Variants in NLRC3 observed in about 807,000 individuals in gnomAD.
NLRC3 encodes NLR family CARD domain containing 3.
A neutral mutation model predicts 91.6 loss-of-function variants in NLRC3; 87 were observed. The ratio of observed to expected loss-of-function variants is 0.95; its 90% confidence interval spans 0.80 to 1.14. The LOEUF (loss-of-function observed/expected upper bound fraction) is 1.14, where lower values mean the gene tolerates loss of function less well. NLRC3 is among the 50% of genes most tolerant of loss of function. The probability of loss-of-function intolerance (pLI) is 0.00; values close to 1 mark genes in which losing one functional copy is unlikely to be tolerated. For synonymous variants in NLRC3, 694 were observed against 625.3 expected, an observed-to-expected ratio of 1.11 and a Z score of -1.64; for missense variants, 1,577 against 1,418.6, an observed-to-expected ratio of 1.11 and a Z score of -1.79.
chr16:3,555,582 T>G (rs1391404843), intron 8 of NLRC3, among the ~76,000 whole-genome samples: 1 of 151,972 alleles, frequency 6.6e-6, no homozygotes, highest in Non-Finnish European at 1.5e-5. Context: ...CAGTCAGGGT[T>G]TTTTTTAGAC....
chr16:3,544,110 A>T, intron 16 of NLRC3, 136 bp downstream of exon 16: 1 of 613,338 alleles, frequency 1.6e-6, no homozygotes. Flanking sequence ...GTTAGCTGAG[A>T]TTATGTCACT....
At chr16:3,554,783 T>A (rs2039212993) in intron 8 of NLRC3, among the ~76,000 whole-genome samples, 1 of 152,110 alleles carries the variant, frequency 6.6e-6, no homozygotes, top group Admixed American at 6.6e-5. Flanking sequence ...CTCAAAAGAA[T>A]TGAAAACAGG....
Position 3,563,479 on chromosome 16 carries a change from C to T in NLRC3, c.1458G>A (p.Trp486Ter). ...AATGCGTGAGGAAGCCCAGCCTGGG[C>T]CAGGATACGCCGCTCTCAGTGAAGA... ...FDLFTESGVS[W>*]PRLGFLTHFR... The change falls in exon 5 of 20, where the codon TGG becomes TGA. Residue 486 changes from tryptophan (W) to a stop codon, truncating the protein, a stop_gained. Transcript: ENST00000359128. LOFTEE classifies it high-confidence loss of function. 4.4e-6 allele frequency: 7 copies of T among 1,588,640 alleles called. No homozygotes were observed. The highest frequency in any genetic ancestry group is 1.1e-5 in the South Asian group (1 of 87,512).
At chr16:3,559,625 ACTTTT>A (rs1400048001) in intron 6 of NLRC3, among the ~76,000 whole-genome samples, 5 of 149,302 alleles carry the variant, frequency 3.3e-5, no homozygotes, top group Admixed American at 6.7e-5. Flanking sequence ...TCATTCTTTT[ACTTTT>A]CTTTTTTTTT....
In NLRC3 at chr16:3,563,875, C is replaced by G. The variant is rs367720968; in HGVS notation, c.1062G>C (p.Leu354=). ...GCTCGCACAGGGTCCTCGGGGGCCACAGCTCTGCATCCTGGGGCCCCGTCC... is the reference window on the plus strand; with the variant it reads ...GCTCGCACAGGGTCCTCGGGGGCCAGAGCTCTGCATCCTGGGGCCCCGTCC... ...RSRTGPQDAE[L]WPPRTLCELY... is the part of the protein sequence containing the mutation. The change falls in exon 5 of 20, where the codon CTG becomes CTC. Residue 354 remains leucine (L), a synonymous_variant. Transcript: ENST00000359128. The G allele has an allele frequency of 8.7e-6, 14 of 1,602,210 alleles. No individual in the cohort carries two copies. Among genetic ancestry groups the G allele is most frequent in the Non-Finnish European group, 1.1e-5 (13 of 1,174,456 alleles).
intron 15 of NLRC3, chr16:3,545,653 C>A (rs1016211745): frequency 3.3e-5 from 5 of 152,218 alleles, no homozygotes; most frequent in South Asian, 2.1e-4. Flanking sequence ...CAAGTGCAGG[C>A]TGCAGGGAAA....
intron 6 of NLRC3, among the ~76,000 whole-genome samples, chr16:3,557,904 G>A (rs1481402346): frequency 6.6e-6 from 1 of 152,202 alleles, no homozygotes; most frequent in Admixed American, 6.5e-5. Context: ...ATGGCAAAGG[G>A]TCTCAGGAAA....
rs2039781697 is a variant in NLRC3, at chr16:3,564,516, A to T, written c.421T>A (p.Ser141Thr). 6.2e-7 allele frequency: 1 copy of T among 1,612,274 alleles called. No homozygotes were observed. Among genetic ancestry groups the T allele is most frequent in the Non-Finnish European group, 8.5e-7 (1 of 1,179,718 alleles). Reference protein sequence around the residue: ...LSRVSVPPRVSITIGVAGMGK... With the variant: ...LSRVSVPPRVTITIGVAGMGK... ...ATGCCGGCCACCCCGATAGTGATGG[A>T]GACCCGGGGTGGGACAGACACCCGG... The change falls in exon 5 of 20, where the codon TCC becomes ACC. Residue 141 changes from serine to threonine, a missense_variant. Transcript: ENST00000359128. The surrounding 1 kb of genome is among the most constrained non-coding windows in gnomAD (Gnocchi z 5.9).
chr16:3,547,969 C>T (rs925408540), intron 15 of NLRC3, among the ~76,000 whole-genome samples, 166 bp downstream of exon 15: 3 of 152,184 alleles, frequency 2.0e-5, no homozygotes, highest in Non-Finnish European at 4.4e-5. Context: ...ACGCACCCGG[C>T]CAATATATTT....
At position 3,539,437 on chromosome 16, in the gene NLRC3, C is replaced by T. The variant is rs1285764690; in HGVS notation, c.*2388G>A. The T allele has an allele frequency of 6.6e-6, 1 of 152,248 alleles. No individual in the cohort carries two copies. Among genetic ancestry groups the T allele is most frequent in the Non-Finnish European group, 1.5e-5 (1 of 68,036 alleles). 9.4% of individuals were successfully genotyped at this position (152,248 alleles called of 1,614,324 possible). On this transcript the variant is annotated 3_prime_UTR_variant, in exon 20 of 20. Transcript: ENST00000359128. ...GACAGACTGAACTCCTTAACCATTT[C>T]AGACAGCTTGAAGATGTATGATCAT...
At chr16:3,557,917 G>A (rs1209049364) in intron 6 of NLRC3, among the ~76,000 whole-genome samples, 1 of 152,192 alleles carries the variant, frequency 6.6e-6, no homozygotes, top group African/African-American at 2.4e-5. Context: ...TCAGGAAAAA[G>A]TTTAACCAGA....
Position 3,563,992 on chromosome 16 carries a change from T to C in NLRC3, c.945A>G (p.Gln315=). 1.2e-6 allele frequency: 2 copies of C among 1,607,402 alleles called. No homozygotes were observed. Among genetic ancestry groups the C allele is most frequent in the Non-Finnish European group, 1.7e-6 (2 of 1,179,294 alleles). Residue 315 remains glutamine, a synonymous_variant, in exon 5 of 20, where the codon CAA becomes CAG. Coordinates refer to ENST00000359128, the MANE Select transcript of NLRC3 (RefSeq NM_178844.4). ...GGTACAGGGCCCTGTCAGCCTGCAC[T>C]TGGCTCAGCATCCAGCCCAGAAGGG... ...DQALLGWMLS[Q]VQADRALYLM... is the part of the protein sequence containing the mutation.
intron 2 of NLRC3, among the ~76,000 whole-genome samples, chr16:3,565,745 C>G (rs1353932885): frequency 6.6e-6 from 1 of 151,814 alleles, no homozygotes; most frequent in African/African-American, 2.4e-5. Context: ...ACGTACAACT[C>G]CAAGAGTGAG....
At chr16:3,572,134 G>C (rs1025422136) in intron 1 of NLRC3, among the ~76,000 whole-genome samples, 4 of 151,904 alleles carry the variant, frequency 2.6e-5, no homozygotes, top group Non-Finnish European at 4.4e-5. Context: ...TAGAAAAAAG[G>C]ACACAGATAA....
chr16:3,563,082 T>C lies in NLRC3; in HGVS notation c.1855A>G (p.Asn619Asp), dbSNP rs766992000. ...CCCTGGCTGAGGCTCAGGGACAGGTTGGCCTCCTGGGCACAGGCGTCGGAC... is the reference window on the plus strand; with the variant it reads ...CCCTGGCTGAGGCTCAGGGACAGGTCGGCCTCCTGGGCACAGGCGTCGGAC... The part of the protein sequence containing the change: ...QVSDACAQEA[N>D]LSLSLSQGVL... Residue 619 changes from asparagine to aspartate, a missense_variant, in exon 5 of 20, where the codon AAC becomes GAC. Transcript: ENST00000359128. 28 of 1,570,028 alleles carry C rather than the reference T, an allele frequency of 1.8e-5. No homozygotes were observed. The African/African-American group carries it at 2.7e-4, about 15-fold the overall frequency.
At chr16:3,572,634 T>C (rs1341262928) in intron 1 of NLRC3, among the ~76,000 whole-genome samples, 1 of 152,218 alleles carries the variant, frequency 6.6e-6, no homozygotes, top group Non-Finnish European at 1.5e-5. Flanking sequence ...TAAATTAGTA[T>C]AACAATTCTG....
chr16:3,561,379 G>T (rs2039603559), intron 6 of NLRC3, among the ~76,000 whole-genome samples: 1 of 152,208 alleles, frequency 6.6e-6, no homozygotes, highest in African/African-American at 2.4e-5. Flanking sequence ...CTAGAATGCT[G>T]TTGGACAGCA....
chr16:3,575,402 C>G (rs2040248958), intron 1 of NLRC3, among the ~76,000 whole-genome samples: 1 of 152,106 alleles, frequency 6.6e-6, no homozygotes, highest in Non-Finnish European at 1.5e-5. Flanking sequence ...GTCAGGCGGC[C>G]CCTGTGAGCG....
Position 3,546,234 on chromosome 16 carries a change from T to TA in NLRC3, c.2771+1900dup, listed in dbSNP as rs1331892123. On this transcript the variant is annotated intron_variant, in intron 15 of 19. Coordinates refer to ENST00000359128, the MANE Select transcript of NLRC3 (RefSeq NM_178844.4). Reference sequence around the variant, plus strand: ...GCAACATGGTGAGGCCCCATCTCTTTAAAAAAAATTGTAAATATTACTTTA... The same window carrying TA: ...GCAACATGGTGAGGCCCCATCTCTTTAAAAAAAAATTGTAAATATTACTTTA... Among the ~76,000 whole-genome samples the TA allele has an allele frequency of 4.6e-5, 7 of 151,182 alleles. No homozygotes were observed. In the East Asian group the frequency reaches 9.7e-4, roughly 21 times the overall value.
Sources: gnomAD v4.1 joint callset for allele counts (sites outside exome capture counted in the v4.1 genomes callset) on GRCh38, gnomAD v4.1.1 for gene constraint, Gnocchi (gnomAD v3.1) non-coding constraint, MANE v1.5 for transcripts, NCBI Gene and HGNC (gene_info 2026-07-23, HGNC 2026-07-21) for gene names.